The following NPAS3 variants were observed in gnomAD, a reference collection of about 807,000 sequenced individuals.
NPAS3 encodes neuronal PAS domain-containing protein 3.
A neutral mutation model predicts 73.1 loss-of-function variants in NPAS3; 14 were observed. That is an observed-to-expected ratio of 0.19 (90% CI 0.13 to 0.30). The LOEUF is 0.30. Ranked by LOEUF, NPAS3 falls within the 10% of genes least tolerant of loss-of-function variation. The pLI is 1.00. For synonymous variants in NPAS3, 620 were observed against 541.5 expected (o/e 1.14, Z -2.01); for missense variants, 1,096 against 1,250.0 (o/e 0.88, Z 1.86).
intron 1 of NPAS3, among the ~76,000 whole-genome samples, chr14:32,973,589 G>T (rs1325442902): frequency 3.5e-5 from 5 of 144,826 alleles, no homozygotes; most frequent in African/African-American, 5.2e-5. Flanking sequence ...AGGGTGGAAT[G>T]CAATGATGCT....
chr14:33,728,923 G>C (rs1178794638), intron 6 of NPAS3, among the ~76,000 whole-genome samples: 2 of 152,150 alleles, frequency 1.3e-5, no homozygotes, highest in African/African-American at 2.4e-5. Flanking sequence ...ATATTGTTTG[G>C]TGTGTGAGAG....
intron 3 of NPAS3, among the ~76,000 whole-genome samples, chr14:33,297,906 C>T (rs1221392005): frequency 1.3e-5 from 2 of 152,182 alleles, no homozygotes; most frequent in Non-Finnish European, 2.9e-5. Flanking sequence ...CTTCTCTGCC[C>T]TCCTTTTGGA....
chr14:33,000,277 A>T (rs897943012), intron 1 of NPAS3, among the ~76,000 whole-genome samples: 2 of 152,182 alleles, frequency 1.3e-5, no homozygotes, highest in African/African-American at 4.8e-5. Flanking sequence ...GACCTGTTTT[A>T]ATGACTATTG....
At chr14:33,410,637 G>A (rs1344777397) in intron 4 of NPAS3, among the ~76,000 whole-genome samples, 1 of 152,130 alleles carries the variant, frequency 6.6e-6, no homozygotes, top group Non-Finnish European at 1.5e-5. Context: ...TTTGGCTCAA[G>A]AATAGTTGGT....
chr14:33,197,766 T>TTTCA (rs1392410993), intron 2 of NPAS3, among the ~76,000 whole-genome samples: 1 of 152,250 alleles, frequency 6.6e-6, no homozygotes, highest in African/African-American at 2.4e-5. Flanking sequence ...TTTGTAAGTA[T>TTTCA]CCTGCCATCT....
intron 3 of NPAS3, among the ~76,000 whole-genome samples, chr14:33,361,220 G>T (rs1008245544): frequency 1.3e-5 from 2 of 152,152 alleles, no homozygotes; most frequent in Non-Finnish European, 2.9e-5. Context: ...CGTACTAAGA[G>T]GTCCCTGTAA....
Position 33,800,336 on chromosome 14 carries a change from G to A in NPAS3, c.2029G>A (p.Glu677Lys). The A allele has an allele frequency of 1.2e-6, 2 of 1,613,198 alleles. No individual in the cohort carries two copies. The highest frequency in any genetic ancestry group is 1.1e-5 in the South Asian group (1 of 91,052). ...GCCCAACCGGGAGATCTCCAGGAAC[G>A]AGTCCCCCTACAGCATGACCAAGCC... The change falls in exon 12 of 12, where the codon GAG (glutamate) becomes AAG (lysine). Residue 677 changes from glutamate (E) to lysine (K), a missense_variant. Coordinates refer to ENST00000356141, the Ensembl canonical transcript of NPAS3. The surrounding 1 kb of genome is among the most constrained non-coding windows in gnomAD (Gnocchi z 6.5).
chr14:33,683,854 A>C (rs542088671), intron 6 of NPAS3, among the ~76,000 whole-genome samples: 1 of 152,356 alleles, frequency 6.6e-6, no homozygotes, highest in South Asian at 2.1e-4. Flanking sequence ...TACCCAGGCC[A>C]CTGTGATAAT....
intron 4 of NPAS3, among the ~76,000 whole-genome samples, chr14:33,446,564 C>T (rs2049517184): frequency 6.6e-6 from 1 of 152,196 alleles, no homozygotes; most frequent in South Asian, 2.1e-4. Context: ...TCATTCCTCC[C>T]TCGGAAGAGA....
intron 2 of NPAS3, among the ~76,000 whole-genome samples, chr14:33,207,787 C>G (rs1467787182): frequency 2.0e-5 from 3 of 152,118 alleles, no homozygotes; most frequent in African/African-American, 7.2e-5. Flanking sequence ...AGCAGAGCCA[C>G]AAAAGCAATT....
Position 33,082,100 on chromosome 14 carries a change from T to C in NPAS3, c.140+26106T>C, listed in dbSNP as rs569895244. 3.3e-5 allele frequency among the ~76,000 whole-genome samples: 5 copies of C among 152,348 alleles called. No homozygotes were observed. In the South Asian group the frequency reaches 1.0e-3, roughly 32 times the overall value. ...AACACAGTTGGTTCTCAGTGAATAG[T>C]GTTGGTTGACTGGCCCAAAGAGAAT... is the stretch of plus-strand genomic sequence containing the variant. On this transcript the variant is annotated intron_variant, in intron 2 of 11. Transcript: ENST00000356141.
intron 4 of NPAS3, among the ~76,000 whole-genome samples, chr14:33,543,993 A>ATATATC (rs1566988612): frequency 1.7e-5 from 1 of 59,328 alleles, no homozygotes; most frequent in Non-Finnish European, 3.0e-5. Context: ...ATATATATAT[A>ATATATC]TATATATATC....
At chr14:33,674,363 A>T (rs548972862) in intron 5 of NPAS3, among the ~76,000 whole-genome samples, 1 of 152,358 alleles carries the variant, frequency 6.6e-6, no homozygotes, top group Admixed American at 6.5e-5. Context: ...AAGTGCTACA[A>T]TTGGACTCCA....
chr14:33,053,742 A>T (rs1242640949), intron 1 of NPAS3, among the ~76,000 whole-genome samples: 4 of 152,168 alleles, frequency 2.6e-5, no homozygotes, highest in African/African-American at 9.7e-5. Context: ...ATGTAAATGA[A>T]AATTACATCA....
intron 2 of NPAS3, among the ~76,000 whole-genome samples, chr14:33,113,268 A>G (rs1218897229): frequency 6.6e-6 from 1 of 152,068 alleles, no homozygotes; most frequent in African/African-American, 2.4e-5. Context: ...TAGTATGGCC[A>G]TTTTCATGAT....
At chr14:33,157,370 C>A (rs2139284597) in intron 2 of NPAS3, among the ~76,000 whole-genome samples, 1 of 152,296 alleles carries the variant, frequency 6.6e-6, no homozygotes, top group South Asian at 2.1e-4. Context: ...TTCCAACAGG[C>A]CACCTGTCTC....
At chr14:33,212,335 T>C (rs2139660818) in intron 2 of NPAS3, among the ~76,000 whole-genome samples, 1 of 152,214 alleles carries the variant, frequency 6.6e-6, no homozygotes, top group East Asian at 1.9e-4. Flanking sequence ...AATGATGTGA[T>C]GTGAGAGTCA....
intron 2 of NPAS3, among the ~76,000 whole-genome samples, chr14:33,193,856 CT>C (rs1056759490): frequency 2.0e-5 from 3 of 152,232 alleles, no homozygotes; most frequent in Non-Finnish European, 2.9e-5. Context: ...TCATCATCAC[CT>C]TTTTTTGTTT....
intron 1 of NPAS3, among the ~76,000 whole-genome samples, chr14:32,974,176 C>T (rs1311932208): frequency 6.6e-6 from 1 of 152,082 alleles, no homozygotes; most frequent in African/African-American, 2.4e-5. Flanking sequence ...ATCTAAGTGA[C>T]AAAAGAAGTT....
Sources: gnomAD v4.1 joint callset for allele counts (sites outside exome capture counted in the v4.1 genomes callset) on GRCh38, gnomAD v4.1.1 for gene constraint, Gnocchi (gnomAD v3.1) non-coding constraint, MANE v1.5 for transcripts, NCBI Gene and HGNC (gene_info 2026-07-23, HGNC 2026-07-21) for gene names.